DRC8: variants seen among roughly 807,000 people sequenced by gnomAD.
DRC8 encodes dynein regulatory complex protein 8.
the DRC8 span, among the ~76,000 whole-genome samples, chr1:245,099,629 G>A: frequency 1.6e-4 from 25 of 152,218 alleles, no homozygotes; most frequent in African/African-American, 6.0e-4. Flanking sequence ...TATTAATTCT[G>A]CCCCGTTTGC....
the DRC8 span, among the ~76,000 whole-genome samples, chr1:245,068,904 A>G: frequency 6.6e-6 from 1 of 152,212 alleles, no homozygotes; most frequent in Non-Finnish European, 1.5e-5. Context: ...AAGGAAGGGA[A>G]TGATCTCTCT....
the DRC8 span, among the ~76,000 whole-genome samples, chr1:245,119,812 A>G: frequency 6.6e-6 from 1 of 152,110 alleles, no homozygotes; most frequent in Non-Finnish European, 1.5e-5. Context: ...AGGTGCCTGT[A>G]GTCCCAGCTA....
the DRC8 span, among the ~76,000 whole-genome samples, chr1:244,985,076 G>GGTT: frequency 7.6e-6 from 1 of 130,806 alleles, no homozygotes; most frequent in Non-Finnish European, 1.6e-5. Flanking sequence ...TGTCTCCAGG[G>GGTT]TTTTTTTTTT....
the DRC8 span, among the ~76,000 whole-genome samples, chr1:244,983,444 A>G: frequency 4.6e-5 from 7 of 152,162 alleles, no homozygotes; most frequent in Non-Finnish European, 1.5e-5. Flanking sequence ...GGTTTTTGCT[A>G]TTAAAAGTAA....
chr1:245,032,693 G>C, the DRC8 span, among the ~76,000 whole-genome samples: 2 of 152,158 alleles, frequency 1.3e-5, no homozygotes, highest in Non-Finnish European at 2.9e-5. Flanking sequence ...AATATTAGCT[G>C]GGGGTATGTA....
At chr1:245,094,677 C>T in the DRC8 span, among the ~76,000 whole-genome samples, 2 of 152,172 alleles carry the variant, frequency 1.3e-5, no homozygotes, top group East Asian at 1.9e-4. Context: ...GGGCACCTCA[C>T]TGTGAGATGG....
At chr1:245,068,292 T>C in the DRC8 span, among the ~76,000 whole-genome samples, 40 of 152,292 alleles carry the variant, frequency 2.6e-4, no homozygotes, top group South Asian at 8.1e-3. Flanking sequence ...ATAGGTAATA[T>C]CCAGATTACA....
At chr1:244,989,579 T>A in the DRC8 span, among the ~76,000 whole-genome samples, 1 of 152,172 alleles carries the variant, frequency 6.6e-6, no homozygotes, top group Non-Finnish European at 1.5e-5. Flanking sequence ...ATACAATTGA[T>A]CACTGTTGAT....
At chr1:245,017,278 AG>A in the DRC8 span, 4 of 1,610,084 alleles carry the variant, frequency 2.5e-6, no homozygotes, top group South Asian at 4.5e-5. Context: ...AAAATCAAAG[AG>A]GCATTTGAAG....
the DRC8 span, among the ~76,000 whole-genome samples, chr1:245,049,361 T>TA: frequency 6.6e-6 from 1 of 152,208 alleles, no homozygotes; most frequent in South Asian, 2.1e-4. This position sits in a 1 kb window ranked among gnomAD's most constrained non-coding sequence, Gnocchi z 4.5. Flanking sequence ...AAAATAACCT[T>TA]AGAGTCAGAT....
chr1:245,032,697 G>T, the DRC8 span, among the ~76,000 whole-genome samples: 640 of 152,286 alleles, frequency 4.2e-3, 1 homozygote, highest in African/African-American at 0.014. Flanking sequence ...TTAGCTGGGG[G>T]TATGTAACTA....
chr1:245,076,622 A>C, the DRC8 span, among the ~76,000 whole-genome samples: 49 of 152,210 alleles, frequency 3.2e-4, no homozygotes, highest in Non-Finnish European at 6.3e-4. Context: ...AATATATGGA[A>C]TCTTTCTTGA....
chr1:245,003,207 G>T, the DRC8 span, among the ~76,000 whole-genome samples: 3 of 152,246 alleles, frequency 2.0e-5, no homozygotes, highest in South Asian at 6.2e-4. Context: ...CATTTGGGCT[G>T]TTTCCACCTT....
chr1:245,047,373 G>A, the DRC8 span, among the ~76,000 whole-genome samples: 5 of 152,176 alleles, frequency 3.3e-5, no homozygotes, highest in Admixed American at 6.5e-5. Context: ...AGTGGCTCAC[G>A]CCTGTAATCC....
the DRC8 span, among the ~76,000 whole-genome samples, chr1:245,105,574 G>A: frequency 1.5e-5 from 2 of 135,068 alleles, no homozygotes; most frequent in Non-Finnish European, 3.1e-5. Flanking sequence ...AGTGAGCCAT[G>A]ATCACACCAT....
chr1:244,992,852 A>G, the DRC8 span, among the ~76,000 whole-genome samples: 1 of 152,198 alleles, frequency 6.6e-6, no homozygotes, highest in Admixed American at 6.5e-5. Context: ...GCTAAAACCC[A>G]CAAATATTTA....
chr1:245,052,566 A>T, the DRC8 span, among the ~76,000 whole-genome samples: 3 of 152,212 alleles, frequency 2.0e-5, no homozygotes, highest in Non-Finnish European at 2.9e-5. Context: ...GCAGTAGAAG[A>T]TGCATGCCAT....
At chr1:244,998,557 G>A in the DRC8 span, among the ~76,000 whole-genome samples, 1 of 152,116 alleles carries the variant, frequency 6.6e-6, no homozygotes. Context: ...AGATGTCTAG[G>A]CTGACCCCCT....
chr1:245,015,296 A>G, the DRC8 span, among the ~76,000 whole-genome samples: 1 of 152,184 alleles, frequency 6.6e-6, no homozygotes, highest in Non-Finnish European at 1.5e-5. Flanking sequence ...ACTTAATTAC[A>G]TTATTGTCCT....
Sources: allele counts gnomAD v4.1 joint callset (sites outside exome capture counted in the v4.1 genomes callset), GRCh38; gene constraint gnomAD v4.1.1; non-coding constraint Gnocchi (gnomAD v3.1); transcripts MANE v1.5; gene names NCBI Gene and HGNC (gene_info 2026-07-23, HGNC 2026-07-21).